The following ZFAND3 variants were observed in gnomAD, a reference collection of about 807,000 sequenced individuals.
ZFAND3 encodes the protein AN1-type zinc finger protein 3.
A neutral mutation model predicts 29.6 loss-of-function variants in ZFAND3; 10 were observed. That is an observed-to-expected ratio of 0.34 (90% CI 0.21 to 0.57). ZFAND3 has a LOEUF of 0.57. Among genes scored for constraint, ZFAND3 ranks in the 20% least tolerant of loss-of-function variants. The probability of loss-of-function intolerance (pLI) is 0.86; values close to 1 mark genes in which losing one functional copy is unlikely to be tolerated. For synonymous variants in ZFAND3, 128 were observed against 112.6 expected (o/e 1.14, Z -0.87); for missense variants, 230 against 304.5 (o/e 0.76, Z 1.82).
rs1466516516 is a variant in ZFAND3, at chr6:37,922,567, C to T, written c.72-7392C>T. 2.6e-5 allele frequency among the ~76,000 whole-genome samples: 4 copies of T among 152,088 alleles called. No individual in the cohort carries two copies. The South Asian group carries it at 6.2e-4, about 24-fold the overall frequency. ...ATATTCTGAGAAATGTGCTGTTAGT[C>T]GGTTTCATTGTGGAAACAAATGTTG... On this transcript the variant is annotated intron_variant, in intron 1 of 5. Transcript: ENST00000287218.
At chr6:38,059,959 A>G (rs1764203032) in intron 2 of ZFAND3, among the ~76,000 whole-genome samples, 1 of 152,190 alleles carries the variant, frequency 6.6e-6, no homozygotes, top group African/African-American at 2.4e-5. Context: ...TGAGCGTTAC[A>G]TTAAAATCGT....
At chr6:38,108,478 C>T (rs1475195744) in intron 4 of ZFAND3, among the ~76,000 whole-genome samples, 2 of 152,162 alleles carry the variant, frequency 1.3e-5, no homozygotes, top group Non-Finnish European at 2.9e-5. Context: ...CTTTAGCCTG[C>T]AGCCGAGCTC....
chr6:38,040,892 C>G (rs1763747418), intron 2 of ZFAND3, among the ~76,000 whole-genome samples: 1 of 152,194 alleles, frequency 6.6e-6, no homozygotes, highest in Admixed American at 6.5e-5. Context: ...GATCCACAGT[C>G]TATATTCAAA....
chr6:38,154,026 C>A lies in ZFAND3; in HGVS notation c.*1637C>A. On this transcript the variant is annotated 3_prime_UTR_variant, in exon 6 of 6. Transcript: ENST00000287218. ...AGTCATGCTCTTCCCACCCTCCACC[C>A]ACCAGAGTGGAACCCGCTGCAAAAT... is the stretch of plus-strand genomic sequence containing the variant. 1 of 985,538 alleles carries A rather than the reference C, an allele frequency of 1.0e-6. No homozygotes were observed. The highest frequency in any genetic ancestry group is 1.7e-5 in the African/African-American group (1 of 57,388). The allele number at this position is 985,538 out of a possible 1,614,324, so 61.0% of individuals were successfully genotyped here. A position where few individuals can be genotyped will look rare whatever the true frequency, so the allele number is the denominator to read the frequency against.
At chr6:37,869,377 T>C (rs1764649645) in intron 1 of ZFAND3, among the ~76,000 whole-genome samples, 1 of 152,144 alleles carries the variant, frequency 6.6e-6, no homozygotes, top group South Asian at 2.1e-4. Flanking sequence ...CAGGCTGGTC[T>C]CGAACTCCTG....
intron 2 of ZFAND3, among the ~76,000 whole-genome samples, chr6:38,015,090 T>C (rs1174872157): frequency 1.3e-5 from 2 of 152,220 alleles, no homozygotes; most frequent in Non-Finnish European, 2.9e-5. Context: ...TATTTTACTG[T>C]TTCTCTTGTT....
chr6:38,144,213 TATATA>T (rs1324220788), intron 5 of ZFAND3, among the ~76,000 whole-genome samples: 635 of 55,308 alleles, frequency 0.011, 19 homozygotes, highest in African/African-American at 0.061. Flanking sequence ...ATATATATAA[TATATA>T]ATATATATAT....
At chr6:38,049,284 G>T (rs1463450997) in intron 2 of ZFAND3, among the ~76,000 whole-genome samples, 1 of 152,148 alleles carries the variant, frequency 6.6e-6, no homozygotes, top group Admixed American at 6.5e-5. Context: ...GTCGGAAGAG[G>T]AATAGCAATC....
chr6:37,874,617 A>G (rs1396259925), intron 1 of ZFAND3, among the ~76,000 whole-genome samples: 1 of 152,048 alleles, frequency 6.6e-6, no homozygotes, highest in African/African-American at 2.4e-5. Context: ...TTGCCTCTGT[A>G]AGACCCCATG....
intron 4 of ZFAND3, among the ~76,000 whole-genome samples, chr6:38,084,638 T>A (rs1455889999): frequency 1.3e-5 from 2 of 152,202 alleles, no homozygotes; most frequent in East Asian, 3.8e-4. Context: ...CATGTCAGTA[T>A]TATAGTGGCA....
At chr6:37,873,105 A>G (rs1255414304) in intron 1 of ZFAND3, among the ~76,000 whole-genome samples, 2 of 152,092 alleles carry the variant, frequency 1.3e-5, no homozygotes, top group Non-Finnish European at 2.9e-5. Flanking sequence ...TAAAAACAAA[A>G]AAAACCCCCC....
chr6:37,874,281 C>T (rs1764752135), intron 1 of ZFAND3, among the ~76,000 whole-genome samples: 3 of 152,152 alleles, frequency 2.0e-5, no homozygotes, highest in South Asian at 2.1e-4. Context: ...TTTGGGAGGC[C>T]AAAGCAGGCG....
At chr6:38,087,639 A>T (rs1196254916) in intron 4 of ZFAND3, among the ~76,000 whole-genome samples, 1 of 152,216 alleles carries the variant, frequency 6.6e-6, no homozygotes, top group East Asian at 1.9e-4. Context: ...CTACAATGAG[A>T]TGTCATCTCA....
chr6:37,872,921 A>G, intron 1 of ZFAND3, among the ~76,000 whole-genome samples: 1 of 152,222 alleles, frequency 6.6e-6, no homozygotes, highest in East Asian at 1.9e-4. Flanking sequence ...ATGTGGCAGA[A>G]CTTAATTGTT....
chr6:38,010,721 T>C (rs1763134929), intron 2 of ZFAND3, among the ~76,000 whole-genome samples: 1 of 150,904 alleles, frequency 6.6e-6, no homozygotes, highest in Non-Finnish European at 1.5e-5. Context: ...TGCCTCAGCC[T>C]CCCGAGTAGC....
intron 1 of ZFAND3, among the ~76,000 whole-genome samples, chr6:37,927,910 C>T (rs545523286): frequency 4.9e-4 from 74 of 152,290 alleles, no homozygotes; most frequent in Non-Finnish European, 9.1e-4. Flanking sequence ...CTGTAATCTT[C>T]GGCAAGTTAC....
intron 1 of ZFAND3, among the ~76,000 whole-genome samples, chr6:37,905,727 G>T (rs773101896): frequency 1.3e-5 from 2 of 152,026 alleles, no homozygotes; most frequent in Non-Finnish European, 2.9e-5. Context: ...TAGGGTTAGG[G>T]TGTACCACTT....
At chr6:38,087,269 A>T (rs1046049555) in intron 4 of ZFAND3, among the ~76,000 whole-genome samples, 1 of 152,186 alleles carries the variant, frequency 6.6e-6, no homozygotes. Flanking sequence ...TATCCAGGAC[A>T]TTGGTCTGGG....
chr6:37,832,447 C>T (rs535975750), intron 1 of ZFAND3, among the ~76,000 whole-genome samples: 11 of 152,276 alleles, frequency 7.2e-5, no homozygotes, highest in Admixed American at 5.9e-4. Context: ...GGAGAAGCAA[C>T]TAGTAGTGCC....
Sources: gnomAD v4.1 joint callset for allele counts (sites outside exome capture counted in the v4.1 genomes callset) on GRCh38, gnomAD v4.1.1 for gene constraint, MANE v1.5 for transcripts, NCBI Gene and HGNC (gene_info 2026-07-23, HGNC 2026-07-21) for gene names.